The following NAP1L4 variants were observed in gnomAD, a reference collection of about 807,000 sequenced individuals.
NAP1L4 encodes the protein nucleosome assembly protein 1-like 4.
In NAP1L4, 15 loss-of-function variants were observed where a neutral mutation model predicts 58.2. The ratio of observed to expected loss-of-function variants is 0.26; its 90% confidence interval spans 0.17 to 0.40. NAP1L4 has a LOEUF of 0.40. Ranked by LOEUF, NAP1L4 falls within the 10% of genes least tolerant of loss-of-function variation. The pLI is 1.00. For missense variants in NAP1L4, 384 were observed against 451.1 expected, an observed-to-expected ratio of 0.85 and a Z score of 1.35; for synonymous variants, 171 against 155.6, an observed-to-expected ratio of 1.10 and a Z score of -0.74.
chr11:2,968,988 GTTT>G (rs61176259), intron 7 of NAP1L4, among the ~76,000 whole-genome samples: 2 of 113,574 alleles, frequency 1.8e-5, no homozygotes. Context: ...TTGTTGTGTT[GTTT>G]TTTTTTTTTT....
intron 1 of NAP1L4, among the ~76,000 whole-genome samples, chr11:2,988,847 T>C (rs867838517): frequency 4.6e-5 from 7 of 152,312 alleles, no homozygotes; most frequent in Admixed American, 1.3e-4. Context: ...CTTTCGTTGT[T>C]TTCATACTAT....
chr11:2,986,084 T>C (rs1452121058), intron 1 of NAP1L4, among the ~76,000 whole-genome samples: 1 of 152,172 alleles, frequency 6.6e-6, no homozygotes, highest in Non-Finnish European at 1.5e-5. Flanking sequence ...ACTATAAAAT[T>C]GGGCCATGGC....
At chr11:2,945,914 TTG>T (rs1845916916) in intron 15 of NAP1L4, among the ~76,000 whole-genome samples, 1 of 152,142 alleles carries the variant, frequency 6.6e-6, no homozygotes, top group South Asian at 2.1e-4. Flanking sequence ...TTGGGGCTCC[TTG>T]GGGTGGTGGA....
chr11:2,974,252 G>C (rs892135362), intron 4 of NAP1L4, among the ~76,000 whole-genome samples: 3 of 152,130 alleles, frequency 2.0e-5, no homozygotes, highest in Admixed American at 2.0e-4. Context: ...TTTAGACAAA[G>C]GATGTTAAAC....
intron 1 of NAP1L4, among the ~76,000 whole-genome samples, chr11:2,982,892 T>G (rs1848410373): frequency 6.6e-6 from 1 of 152,000 alleles, no homozygotes; most frequent in Non-Finnish European, 1.5e-5. Context: ...ATGGTGGCAC[T>G]CGCCTGTAAT....
intron 7 of NAP1L4, among the ~76,000 whole-genome samples, chr11:2,965,573 G>A (rs1427300130): frequency 6.6e-6 from 1 of 152,044 alleles, no homozygotes; most frequent in Non-Finnish European, 1.5e-5. Context: ...TTTTGAGACG[G>A]AGTCTGGCTC....
At chr11:2,967,568 G>T (rs1416658100) in intron 7 of NAP1L4, among the ~76,000 whole-genome samples, 1 of 146,740 alleles carries the variant, frequency 6.8e-6, no homozygotes. Flanking sequence ...CCAAGATCAC[G>T]CCACTGCACT....
intron 3 of NAP1L4, 59 bp downstream of exon 3, chr11:2,978,225 T>C: frequency 2.0e-6 from 3 of 1,521,560 alleles, no homozygotes; most frequent in South Asian, 1.2e-5. Flanking sequence ...AATAAATGTT[T>C]CCAGAGAGAG....
intron 4 of NAP1L4, among the ~76,000 whole-genome samples, chr11:2,973,806 T>C (rs549930061): frequency 1.1e-4 from 16 of 152,328 alleles, no homozygotes; most frequent in South Asian, 1.0e-3. Flanking sequence ...TCTCACTCTG[T>C]TGCCCAGGCT....
intron 7 of NAP1L4, among the ~76,000 whole-genome samples, chr11:2,966,024 A>C (rs953001769): frequency 6.6e-6 from 1 of 152,232 alleles, no homozygotes; most frequent in South Asian, 2.1e-4. Flanking sequence ...GAAAGTCAGA[A>C]GAGGAGTGGG....
chr11:2,978,182 A>G, intron 3 of NAP1L4, 102 bp downstream of exon 3: 2 of 1,095,268 alleles, frequency 1.8e-6, no homozygotes, highest in Non-Finnish European at 1.3e-6. Context: ...CTTTCCTAAA[A>G]CCACTGCAGT....
At chr11:2,947,821 C>CTT (rs1454872870) in intron 15 of NAP1L4, among the ~76,000 whole-genome samples, 1 of 152,192 alleles carries the variant, frequency 6.6e-6, no homozygotes, top group Non-Finnish European at 1.5e-5. Context: ...AGATAACACT[C>CTT]GACCTGAGAA....
chr11:2,983,778 TCA>T (rs961257619), intron 1 of NAP1L4: 1 of 151,848 alleles, frequency 6.6e-6, no homozygotes, highest in Non-Finnish European at 1.5e-5. Context: ...CTCAGGAGTT[TCA>T]GACCAGCCTG....
chr11:2,965,016 C>T (rs1847178983), intron 7 of NAP1L4, among the ~76,000 whole-genome samples: 1 of 152,216 alleles, frequency 6.6e-6, no homozygotes, highest in African/African-American at 2.4e-5. Context: ...CCACTGACAC[C>T]CGCCTGCCTG....
chr11:2,961,057 C>CGCGTTTATAGGCAAG (rs1393033075), intron 8 of NAP1L4, among the ~76,000 whole-genome samples: 1 of 151,982 alleles, frequency 6.6e-6, no homozygotes, highest in Non-Finnish European at 1.5e-5. Flanking sequence ...CACTTAGAGC[C>CGCGTTTATAGGCAAG]GCGTTTATAG....
Position 2,979,222 on chromosome 11 carries a change from T to C in NAP1L4, c.-2A>G, listed in dbSNP as rs755412830. ...TTTGGCTTACCTGTGATCTGCCATC[T>C]GAATGTTTTTATCCCCTATAAATTA... On this transcript the variant is annotated 5_prime_UTR_variant, in exon 2 of 16. Coordinates refer to ENST00000380542, the MANE Select transcript of NAP1L4 (RefSeq NM_005969.4). The C allele has an allele frequency of 1.2e-6, 2 of 1,611,246 alleles. No individual in the cohort carries two copies. The highest frequency in any genetic ancestry group is 3.4e-5 in the Admixed American group (2 of 59,522).
chr11:2,972,209 A>G lies in NAP1L4; in HGVS notation c.208T>C (p.Leu70=). The change falls in exon 5 of 16, where the codon TTG becomes CTG. Residue 70 remains leucine, a synonymous_variant. Coordinates refer to ENST00000380542, the MANE Select transcript of NAP1L4 (RefSeq NM_005969.4). ...PKAVKRRINA[L]KQLQVRCAHI... ...GCACATCTCACCTGAAGTTGTTTCAATGCATTAATTCTTCTTTTTACTGCT... is the reference window on the plus strand; with the variant it reads ...GCACATCTCACCTGAAGTTGTTTCAGTGCATTAATTCTTCTTTTTACTGCT... 1 of 1,610,122 alleles carries G rather than the reference A, an allele frequency of 6.2e-7. No individual in the cohort carries two copies. Among genetic ancestry groups the G allele is most frequent in the Non-Finnish European group, 8.5e-7 (1 of 1,178,934 alleles).
chr11:2,970,119 T>A (rs1847551272), intron 6 of NAP1L4, among the ~76,000 whole-genome samples, 185 bp from the exon 7 acceptor site: 1 of 152,174 alleles, frequency 6.6e-6, no homozygotes, highest in African/African-American at 2.4e-5. Context: ...GGAAAAAGCA[T>A]TCAAGTCATT....
chr11:2,972,966 A>G (rs1847736123), intron 4 of NAP1L4, among the ~76,000 whole-genome samples: 1 of 152,096 alleles, frequency 6.6e-6, no homozygotes, highest in African/African-American at 2.4e-5. Context: ...GCAAGACCCT[A>G]TCTTACCAAA....
Sources: allele counts gnomAD v4.1 joint callset (sites outside exome capture counted in the v4.1 genomes callset), GRCh38; gene constraint gnomAD v4.1.1; transcripts MANE v1.5; gene names NCBI Gene and HGNC (gene_info 2026-07-23, HGNC 2026-07-21).